Variants in ATP2B2 observed in about 807,000 individuals in gnomAD.
ATP2B2 encodes the protein ATPase plasma membrane Ca2+ transporting 2, also known as plasma membrane calcium-transporting ATPase 2.
ATP2B2 carries 15 observed loss-of-function variants against 120.0 expected under a neutral mutation model. The observed-to-expected ratio is 0.12, with a 90% CI of 0.08 to 0.19. The LOEUF (loss-of-function observed/expected upper bound fraction) is 0.19. Among genes scored for constraint, ATP2B2 ranks in the 10% least tolerant of loss-of-function variants. The pLI, the probability that ATP2B2 is intolerant of heterozygous loss-of-function variation, is 1.00. For missense variants in ATP2B2, 1,045 were observed against 1,719.8 expected, an observed-to-expected ratio of 0.61 and a Z score of 6.94; for synonymous variants, 694 against 700.3, an observed-to-expected ratio of 0.99 and a Z score of 0.14.
chr3:10,390,498 TTGTGTGTGTG>T (rs61552990), intron 5 of ATP2B2, among the ~76,000 whole-genome samples: 11 of 148,310 alleles, frequency 7.4e-5, no homozygotes, highest in Admixed American at 6.0e-4. Flanking sequence ...GTGCATGCTT[TTGTGTGTGTG>T]TGTGTGTGTG....
At chr3:10,357,815 C>T (rs1212690274) in intron 14 of ATP2B2, among the ~76,000 whole-genome samples, 1 of 152,194 alleles carries the variant, frequency 6.6e-6, no homozygotes. Flanking sequence ...CTCACTCCGC[C>T]TGCCATGCAC....
intron 1 of ATP2B2, among the ~76,000 whole-genome samples, chr3:10,677,097 A>G (rs2071265854): frequency 6.6e-6 from 1 of 152,246 alleles, no homozygotes; most frequent in Non-Finnish European, 1.5e-5. Flanking sequence ...ATGTCCACAC[A>G]AAGTTCTGCA....
chr3:10,661,843 C>T (rs1221495110), intron 1 of ATP2B2, among the ~76,000 whole-genome samples: 1 of 152,206 alleles, frequency 6.6e-6, no homozygotes, highest in Admixed American at 6.5e-5. Flanking sequence ...TACCTGACTT[C>T]AAACTATACT....
intron 1 of ATP2B2, among the ~76,000 whole-genome samples, 188 bp downstream of exon 1, chr3:10,505,277 C>T (rs2066576443): frequency 6.6e-6 from 1 of 152,088 alleles, no homozygotes; most frequent in South Asian, 2.1e-4. Flanking sequence ...CCCAGTGCAG[C>T]CTCGGCTGCT....
At chr3:10,534,635 G>A (rs1017921751) in intron 2 of ATP2B2, among the ~76,000 whole-genome samples, 9 of 152,216 alleles carry the variant, frequency 5.9e-5, no homozygotes, top group East Asian at 5.8e-4. Context: ...GTGGTCACAG[G>A]TGTGTGCCCT....
chr3:10,402,532 G>A lies in ATP2B2; in HGVS notation c.398-184C>T, dbSNP rs917637403. Among the ~76,000 whole-genome samples the A allele has an allele frequency of 4.6e-5, 7 of 152,246 alleles. No homozygotes were observed. The South Asian group carries it at 1.4e-3, about 32-fold the overall frequency. ...AGTGCTTCACGCAGATCATCTCACA[G>A]GGTATTCCCGCTGCCCATTTCACAG... is the stretch of plus-strand genomic sequence containing the variant. On this transcript the variant is annotated intron_variant, in intron 3 of 22. Transcript: ENST00000360273. The surrounding 1 kb of genome is among the most constrained non-coding windows in gnomAD (Gnocchi z 4.9).
intron 1 of ATP2B2, among the ~76,000 whole-genome samples, chr3:10,642,057 A>G (rs1283640085): frequency 2.0e-5 from 3 of 151,594 alleles, no homozygotes; most frequent in African/African-American, 7.3e-5. Context: ...TCATCCTTCC[A>G]TCCCTCATCC....
At chr3:10,506,245 C>T (rs1008342639), upstream of ATP2B2, among the ~76,000 whole-genome samples, 3 of 151,994 alleles carry the variant, frequency 2.0e-5, no homozygotes, top group African/African-American at 7.2e-5. Flanking sequence ...GCTACCCCTG[C>T]GACCCGCCCT....
At chr3:10,371,448 G>A (rs1159846765) in intron 12 of ATP2B2, among the ~76,000 whole-genome samples, 1 of 152,222 alleles carries the variant, frequency 6.6e-6, no homozygotes, top group Non-Finnish European at 1.5e-5. Context: ...TTGAATTGCT[G>A]ACTCACAGGA....
At chr3:10,662,924 G>T in intron 1 of ATP2B2, among the ~76,000 whole-genome samples, 1 of 152,068 alleles carries the variant, frequency 6.6e-6, no homozygotes, top group Non-Finnish European at 1.5e-5. Flanking sequence ...AAAAAATGAT[G>T]AGTTCATGTC....
intron 22 of ATP2B2, among the ~76,000 whole-genome samples, chr3:10,333,386 C>T (rs2060033559): frequency 6.6e-6 from 1 of 152,126 alleles, no homozygotes; most frequent in Admixed American, 6.5e-5. Context: ...AATTGGGGCC[C>T]TTCTGTCACT....
chr3:10,365,782 GTAC>G, intron 12 of ATP2B2, among the ~76,000 whole-genome samples: 3 of 96 alleles, frequency 0.031, no homozygotes, highest in Non-Finnish European at 0.068. Context: ...TATGTGTATG[GTAC>G]GTACTGTGTA....
chr3:10,504,553 G>C (rs115843394), intron 1 of ATP2B2, among the ~76,000 whole-genome samples: 8,291 of 146,026 alleles, frequency 0.057, 287 homozygotes, highest in Middle Eastern at 0.16. Flanking sequence ...GGGCAGGCCA[G>C]TCCAGAGCAC....
intron 3 of ATP2B2, among the ~76,000 whole-genome samples, chr3:10,512,459 T>TGTGCGC (rs1553623887): frequency 1.4e-4 from 11 of 80,568 alleles, no homozygotes; most frequent in African/African-American, 9.5e-4. Context: ...TGCTAAAGTG[T>TGTGCGC]GTGCGCACAC....
chr3:10,486,971 G>C (rs1486947428), intron 1 of ATP2B2, among the ~76,000 whole-genome samples: 1 of 152,090 alleles, frequency 6.6e-6, no homozygotes, highest in Admixed American at 6.5e-5. Context: ...CAAGTGATCT[G>C]CCTGCCTTGG....
At chr3:10,618,455 G>C (rs1286285945) in intron 2 of ATP2B2, among the ~76,000 whole-genome samples, 1 of 152,222 alleles carries the variant, frequency 6.6e-6, no homozygotes, top group Non-Finnish European at 1.5e-5. Context: ...TGGAGAGGAA[G>C]AGACAAGGCT....
intron 3 of ATP2B2, among the ~76,000 whole-genome samples, chr3:10,406,618 G>C (rs758631181): frequency 6.6e-6 from 1 of 152,212 alleles, no homozygotes; most frequent in Non-Finnish European, 1.5e-5. Flanking sequence ...GTGCCATCTA[G>C]GTATGTGTAA....
intron 1 of ATP2B2, among the ~76,000 whole-genome samples, chr3:10,488,772 A>G (rs1559403472): frequency 6.6e-6 from 1 of 151,882 alleles, no homozygotes; most frequent in Non-Finnish European, 1.5e-5. Flanking sequence ...CCCAGCCACC[A>G]TCCTCTCTCA....
At chr3:10,335,664 A>G (rs1168841476) in intron 22 of ATP2B2, among the ~76,000 whole-genome samples, 2 of 152,058 alleles carry the variant, frequency 1.3e-5, no homozygotes, top group African/African-American at 4.8e-5. Flanking sequence ...ACCCACAGTG[A>G]CCCTTCTGCT....
Sources: allele counts gnomAD v4.1 joint callset (sites outside exome capture counted in the v4.1 genomes callset), GRCh38; gene constraint gnomAD v4.1.1; non-coding constraint Gnocchi (gnomAD v3.1); transcripts MANE v1.5; gene names NCBI Gene and HGNC (gene_info 2026-07-23, HGNC 2026-07-21).